Variants in CNOT8 observed in about 807,000 individuals in gnomAD.
CNOT8 encodes the protein CCR4-NOT transcription complex subunit 8.
Under a neutral mutation model 34.6 loss-of-function variants are expected in CNOT8, and 18 were observed. The ratio of observed to expected loss-of-function variants is 0.52; its 90% CI spans 0.36 to 0.77. The LOEUF (loss-of-function observed/expected upper bound fraction) is 0.77. Among genes scored for constraint, CNOT8 ranks in the 30% least tolerant of loss-of-function variants. The pLI is 0.00. For synonymous variants in CNOT8, 101 were observed against 118.8 expected, an observed-to-expected ratio of 0.85 and a Z score of 0.98; for missense variants, 189 against 347.9, an observed-to-expected ratio of 0.54 and a Z score of 3.63.
chr5:154,861,819 CT>C (rs1376528826), intron 1 of CNOT8, among the ~76,000 whole-genome samples: 1 of 152,212 alleles, frequency 6.6e-6, no homozygotes, highest in Non-Finnish European at 1.5e-5. Context: ...CTGCCTCAGC[CT>C]CCCGAGTAGC....
At chr5:154,872,978 AG>A (rs1318209238) in intron 6 of CNOT8, among the ~76,000 whole-genome samples, 6 of 152,344 alleles carry the variant, frequency 3.9e-5, no homozygotes, top group Non-Finnish European at 8.8e-5. Context: ...CATGTTGGCC[AG>A]GCTGGTTTCA....
rs1345134126 is a variant in CNOT8, at chr5:154,875,612, C to T, written c.*173C>T. On this transcript the variant is annotated 3_prime_UTR_variant, in exon 7 of 7. Transcript: ENST00000285896. ...GACAAAAGATGTTTTTATTTTAGACCCAGAAGAGAGGAGTTTGCTCTGAAT... is the reference window on the plus strand; with the variant it reads ...GACAAAAGATGTTTTTATTTTAGACTCAGAAGAGAGGAGTTTGCTCTGAAT... 4 of 679,842 alleles carry T rather than the reference C, an allele frequency of 5.9e-6. No individual in the cohort carries two copies. The highest frequency in any genetic ancestry group is 7.0e-6 in the Non-Finnish European group (3 of 428,832). 42.1% of individuals were successfully genotyped at this position (679,842 alleles called of 1,614,324 possible).
intron 1 of CNOT8, chr5:154,859,756 T>G (rs548728301): frequency 6.6e-6 from 1 of 152,370 alleles, no homozygotes; most frequent in African/African-American, 2.4e-5. Flanking sequence ...CTTCAGAGCT[T>G]TCCTGTGTAA....
intron 6 of CNOT8, 55 bp downstream of exon 6, chr5:154,872,706 A>G (rs1762593198): frequency 9.6e-7 from 1 of 1,042,008 alleles, no homozygotes; most frequent in African/African-American, 1.6e-5. Context: ...GCTGAAGGCT[A>G]AGGAGGTAGT....
chr5:154,872,719 A>G (rs779261234), intron 6 of CNOT8, 68 bp downstream of exon 6: 74 of 778,036 alleles, frequency 9.5e-5, no homozygotes, highest in Non-Finnish European at 1.5e-4. Flanking sequence ...GAGGTAGTGG[A>G]TGGTCTGTTA....
chr5:154,861,909 A>G (rs1299485489), intron 1 of CNOT8, among the ~76,000 whole-genome samples: 2 of 152,224 alleles, frequency 1.3e-5, no homozygotes, highest in African/African-American at 4.8e-5. Flanking sequence ...CGTGTTAGCC[A>G]GGATGGTCTC....
In CNOT8 at chr5:154,872,746, T is replaced by C. The variant is rs907418108; in HGVS notation, c.729+95T>C. 1.5e-5 allele frequency: 7 copies of C among 479,092 alleles called. No homozygotes were observed. The South Asian group carries it at 3.1e-4, about 22-fold the overall frequency. The allele number at this position is 479,092 out of a possible 1,614,324, so 29.7% of individuals were successfully genotyped here. ...GGTCTGTTATGTGGGCTGAGGTTTG[T>C]TGAACATTTATTTTTTATTTATTTA... On this transcript the variant is annotated intron_variant, in intron 6 of 6. Transcript: ENST00000285896.
rs1462907645 is a variant in CNOT8 at position 154,876,447 on chromosome 5, A to G, written c.*1008A>G. On this transcript the variant is annotated 3_prime_UTR_variant, in exon 7 of 7. Coordinates refer to ENST00000285896, the MANE Select transcript of CNOT8 (RefSeq NM_001301073.2). ...GAGTGGTTACATTTAATCAGGCAGT[A>G]AGATAATTTGGGTTCTTGAGTTGTT... 1 of 152,266 alleles carries G rather than the reference A, an allele frequency of 6.6e-6. No individual in the cohort carries two copies. 9.4% of individuals were successfully genotyped at this position (152,266 alleles called of 1,614,324 possible).
intron 6 of CNOT8, among the ~76,000 whole-genome samples, chr5:154,873,917 T>C (rs551612829): frequency 1.3e-5 from 2 of 152,246 alleles, no homozygotes; most frequent in East Asian, 3.9e-4. Context: ...CTGCTAAACA[T>C]CCTGTGATAC....
Position 154,875,462 on chromosome 5 carries a change from G to A in CNOT8, c.*23G>A. 1 of 1,611,366 alleles carries A rather than the reference G, an allele frequency of 6.2e-7. No homozygotes were observed. Among genetic ancestry groups the A allele is most frequent in the Non-Finnish European group, 8.5e-7 (1 of 1,179,512 alleles). ...TGATGGCGCCAGGCTCTGCAGGGTGGGCCTGATCCCAGAGTGGTGCTTACT... is the reference window on the plus strand; with the variant it reads ...TGATGGCGCCAGGCTCTGCAGGGTGAGCCTGATCCCAGAGTGGTGCTTACT... On this transcript the variant is annotated 3_prime_UTR_variant, in exon 7 of 7. Coordinates refer to ENST00000285896, the MANE Select transcript of CNOT8 (RefSeq NM_001301073.2).
intron 4 of CNOT8, among the ~76,000 whole-genome samples, chr5:154,871,129 T>TA (rs2113373347): frequency 6.6e-6 from 1 of 152,332 alleles, no homozygotes; most frequent in Admixed American, 6.5e-5. Flanking sequence ...CGGAGTTTCT[T>TA]AGGTACTTGA....
chr5:154,868,042 T>A (rs1330576715), intron 3 of CNOT8, among the ~76,000 whole-genome samples: 1 of 151,938 alleles, frequency 6.6e-6, no homozygotes, highest in East Asian at 1.9e-4. Flanking sequence ...GTTTAAGCAG[T>A]TCTCCTGCCT....
intron 4 of CNOT8, among the ~76,000 whole-genome samples, chr5:154,871,266 T>G (rs1762457665): frequency 6.6e-6 from 1 of 152,062 alleles, no homozygotes; most frequent in Non-Finnish European, 1.5e-5. Context: ...TATTAGAAAG[T>G]TCAGATTATA....
chr5:154,863,913 T>C (rs1352386733), intron 2 of CNOT8, among the ~76,000 whole-genome samples: 1 of 151,960 alleles, frequency 6.6e-6, no homozygotes, highest in Non-Finnish European at 1.5e-5. Flanking sequence ...TAAAAGTCAA[T>C]AGAACTCACT....
chr5:154,872,749 A>G, intron 6 of CNOT8, 98 bp downstream of exon 6: 1 of 466,790 alleles, frequency 2.1e-6, no homozygotes, highest in Non-Finnish European at 3.7e-6. Flanking sequence ...AGGTTTGTTG[A>G]ACATTTATTT....
chr5:154,864,620 A>G (rs894186455), intron 2 of CNOT8, among the ~76,000 whole-genome samples: 2 of 152,122 alleles, frequency 1.3e-5, no homozygotes, highest in Non-Finnish European at 2.9e-5. Context: ...TCTACCTAGA[A>G]TGTTCTTAAT....
At chr5:154,874,830 G>A (rs1479743090) in intron 6 of CNOT8, among the ~76,000 whole-genome samples, 5 of 152,028 alleles carry the variant, frequency 3.3e-5, no homozygotes, top group Non-Finnish European at 5.9e-5. Context: ...ACTGTGCCTG[G>A]CCGAGCCTTT....
At position 154,876,548 on chromosome 5, in the gene CNOT8, T is replaced by A. The variant is rs1762934689; in HGVS notation, c.*1109T>A. 1 of 152,578 alleles carries A rather than the reference T, an allele frequency of 6.6e-6. No individual in the cohort carries two copies. The highest frequency in any genetic ancestry group is 2.1e-4 in the South Asian group (1 of 4,832). 9.5% of individuals were successfully genotyped at this position (152,578 alleles called of 1,614,324 possible). On this transcript the variant is annotated 3_prime_UTR_variant, in exon 7 of 7. Coordinates refer to ENST00000285896, the MANE Select transcript of CNOT8 (RefSeq NM_001301073.2). ...AAAGCTAGTCATTTCAAAAGCATAT[T>A]GTATTTTTTTGAATGACTACAGTAT...
At chr5:154,875,047 G>T (rs1762819956) in intron 6 of CNOT8, among the ~76,000 whole-genome samples, 1 of 152,000 alleles carries the variant, frequency 6.6e-6, no homozygotes. Flanking sequence ...CTCCCAAGTA[G>T]CTGGGATTAC....
Sources: gnomAD v4.1 joint callset for allele counts (sites outside exome capture counted in the v4.1 genomes callset) on GRCh38, gnomAD v4.1.1 for gene constraint, MANE v1.5 for transcripts, NCBI Gene and HGNC (gene_info 2026-07-23, HGNC 2026-07-21) for gene names.